The following KCP variants were observed in gnomAD, a reference collection of about 807,000 sequenced individuals.
KCP encodes kielin cysteine rich BMP regulator, also known as kielin/chordin-like protein.
A neutral mutation model predicts 212.7 loss-of-function variants in KCP; 194 were observed. The ratio of observed to expected loss-of-function variants is 0.91; its 90% CI spans 0.81 to 1.03. The LOEUF (loss-of-function observed/expected upper bound fraction) is 1.03, where lower values mean the gene tolerates loss of function less well. KCP is among the 50% of genes least tolerant of loss of function. KCP has a pLI of 0.00. For synonymous variants in KCP, 833 were observed against 865.3 expected (o/e 0.96, Z 0.65); for missense variants, 2,080 against 2,162.5 (o/e 0.96, Z 0.76).
At position 128,883,862 on chromosome 7, in the gene KCP, G is replaced by T; in HGVS notation, c.3244+140C>A. ...CCCCAGTTCCCTTAGGGATGGTGCA[G>T]CCCTCGCCGGCCAGGCATAGGGTTC... On this transcript the variant is annotated intron_variant, in intron 29 of 39. Coordinates refer to ENST00000610776, the MANE Select transcript of KCP (RefSeq NM_001366122.1). 6 of 1,074,932 alleles carry T rather than the reference G, an allele frequency of 5.6e-6. No homozygotes were observed. In the South Asian group the frequency reaches 1.1e-4, roughly 20 times the overall value. The allele number at this position is 1,074,932 out of a possible 1,614,324, so 66.6% of individuals were successfully genotyped here.
intron 35 of KCP, 22 bp downstream of exon 35, chr7:128,879,891 A>G (rs1245702351): frequency 6.4e-7 from 1 of 1,551,206 alleles, no homozygotes; most frequent in Admixed American, 2.0e-5. Context: ...GGTTGGGGAG[A>G]AGAGAGACAG....
Position 128,877,182 on chromosome 7 carries a change from C to A in KCP, c.4748G>T (p.Gly1583Val). Residue 1583 changes from glycine to valine, a missense_variant, in exon 40 of 40, where the codon GGC becomes GTC. Physicochemically the swap from Gly to Val is moderately radical, Grantham distance 109. Coordinates refer to ENST00000610776, the MANE Select transcript of KCP (RefSeq NM_001366122.1). ...AAHCVRPCVPGCQCPAGLVEH... is the reference protein window; with the variant it reads ...AAHCVRPCVPVCQCPAGLVEH... ...CACCAGGCCTGCAGGGCACTGGCAG[C>A]CGGGCACGCAGGGCCTCACGCAGTG... is the stretch of plus-strand genomic sequence containing the variant. The A allele has an allele frequency of 1.3e-6, 2 of 1,488,046 alleles. No homozygotes were observed. The highest frequency in any genetic ancestry group is 1.3e-5 in the South Asian group (1 of 74,432). 92.2% of individuals were successfully genotyped at this position (1,488,046 alleles called of 1,614,324 possible). A position where few individuals can be genotyped will look rare whatever the true frequency, so the allele number is the denominator to read the frequency against.
chr7:128,901,524 A>G (rs1585246964), intron 8 of KCP, among the ~76,000 whole-genome samples: 1 of 152,072 alleles, frequency 6.6e-6, no homozygotes, highest in Non-Finnish European at 1.5e-5. Flanking sequence ...TACTCGGGAT[A>G]CGGAGGCAGG....
intron 28 of KCP, 103 bp from the exon 29 acceptor site, chr7:128,884,225 C>T (rs1437137994): frequency 8.6e-6 from 12 of 1,400,658 alleles, no homozygotes; most frequent in Admixed American, 5.6e-5. Context: ...CAGCCTCTTC[C>T]GGGACATGTC....
chr7:128,890,709 T>TG (rs1164930408), intron 20 of KCP, among the ~76,000 whole-genome samples, 196 bp from the exon 21 acceptor site: 2 of 3,992 alleles, frequency 5.0e-4, no homozygotes, highest in Admixed American at 3.0e-3. Flanking sequence ...ATGGGTGTCG[T>TG]GGGGGGCTGG....
At chr7:128,884,949 C>CA (rs1282764756) in intron 27 of KCP, 86 bp from the exon 28 acceptor site, 1 of 1,485,092 alleles carries the variant, frequency 6.7e-7, no homozygotes, top group African/African-American at 1.4e-5. Context: ...TCTCCAGCCT[C>CA]CCCCTGATCC....
intron 8 of KCP, among the ~76,000 whole-genome samples, chr7:128,894,753 C>T (rs565437347): frequency 4.7e-4 from 72 of 152,164 alleles, no homozygotes; most frequent in African/African-American, 1.6e-3. Context: ...ATTACAGGCA[C>T]GCACCACCAT....
At chr7:128,883,145 CTTTT>C (rs550292146) in intron 29 of KCP, among the ~76,000 whole-genome samples, 2 of 143,362 alleles carry the variant, frequency 1.4e-5, no homozygotes, top group Non-Finnish European at 3.1e-5. Flanking sequence ...TTTTTTCTTT[CTTTT>C]TTTTTTTTTG....
intron 1 of KCP, among the ~76,000 whole-genome samples, chr7:128,909,548 C>T (rs1032262092): frequency 1.3e-5 from 2 of 152,174 alleles, no homozygotes; most frequent in African/African-American, 4.8e-5. Context: ...AGCTGGGGCT[C>T]AGCTCCCCTA....
At chr7:128,896,617 G>A (rs192207616) in intron 8 of KCP, among the ~76,000 whole-genome samples, 21 of 152,154 alleles carry the variant, frequency 1.4e-4, no homozygotes, top group Admixed American at 1.2e-3. Context: ...ATGGCCGGTC[G>A]CGGTGGCTCA....
chr7:128,886,670 C>G lies in KCP; in HGVS notation c.2757G>C (p.Glu919Asp). The change falls in exon 25 of 40, where the codon GAG (glutamate) becomes GAC (aspartate). Residue 919 changes from glutamate (E) to aspartate (D), a missense_variant. Coordinates refer to ENST00000610776, the MANE Select transcript of KCP (RefSeq NM_001366122.1). ...CCTGCTATACCTGACAGCGACACCA[C>G]TCACAGCTGCCTGCTGGTCCCTCAA... ...EEFEGPAGSCEWCRCQAGQVS... is the reference protein window; with the variant it reads ...EEFEGPAGSCDWCRCQAGQVS... The G allele has an allele frequency of 2.6e-6, 4 of 1,551,626 alleles. No homozygotes were observed. Among genetic ancestry groups the G allele is most frequent in the Non-Finnish European group, 3.5e-6 (4 of 1,146,948 alleles).
chr7:128,883,128 A>C (rs1039755945), intron 29 of KCP, among the ~76,000 whole-genome samples: 1 of 151,862 alleles, frequency 6.6e-6, no homozygotes, highest in Non-Finnish European at 1.5e-5. Flanking sequence ...TTAAAAAAAA[A>C]AGTATGTTTT....
In KCP at chr7:128,884,140, C is replaced by T. The variant is rs188233066; in HGVS notation, c.3124-18G>A. On this transcript the variant is annotated intron_variant, in intron 28 of 39. Coordinates refer to ENST00000610776, the MANE Select transcript of KCP (RefSeq NM_001366122.1). ...GGCTGTGGCTACAAGAATGAGTGAG[C>T]AGCGGTGGGTCCTGGGCCACAAAAA... The T allele has an allele frequency of 7.6e-4, 1,162 of 1,538,450 alleles. 18 individuals carry two copies. In the East Asian group the frequency reaches 0.019, roughly 26 times the overall value.
chr7:128,884,876 G>T lies in KCP; in HGVS notation c.3041-13C>A. ...TCATGCTCACAGTCTTTGGGGTGGA[G>T]TGAGAGCAGAACGGGACCAGGGGTC... On this transcript the variant is annotated splice_polypyrimidine_tract_variant and intron_variant, in intron 27 of 39. Coordinates refer to ENST00000610776, the MANE Select transcript of KCP (RefSeq NM_001366122.1). 2 of 1,550,366 alleles carry T rather than the reference G, an allele frequency of 1.3e-6. No homozygotes were observed. The highest frequency in any genetic ancestry group is 1.7e-6 in the Non-Finnish European group (2 of 1,146,622).
At position 128,906,289 on chromosome 7, in the gene KCP, G is replaced by A; in HGVS notation, c.561C>T (p.His187=). 6.4e-7 allele frequency: 1 copy of A among 1,551,114 alleles called. No individual in the cohort carries two copies. The highest frequency in any genetic ancestry group is 8.7e-7 in the Non-Finnish European group (1 of 1,146,742). The change falls in exon 5 of 40, where the codon CAC becomes CAT. Residue 187 remains histidine (H), a synonymous_variant. Coordinates refer to ENST00000610776, the MANE Select transcript of KCP (RefSeq NM_001366122.1). ...PCPEPGACCP[H]CKPGCDYEGQ... is the part of the protein sequence containing the mutation. Reference sequence around the variant, plus strand: ...TGGCAGGAGGCTGACCTGGCTTACAGTGCGGGCAGCATGCTCCTGGCTCAG... The same window carrying A: ...TGGCAGGAGGCTGACCTGGCTTACAATGCGGGCAGCATGCTCCTGGCTCAG...
chr7:128,891,503 C>T lies in KCP; in HGVS notation c.1826G>A (p.Ser609Asn), dbSNP rs1174688200. ...AGAGGGGTGGGGGAAGTCCGCTCCGCTGGGGTACTCTTTCCCGCCAAAGGC... is the reference window on the plus strand; with the variant it reads ...AGAGGGGTGGGGGAAGTCCGCTCCGTTGGGGTACTCTTTCCCGCCAAAGGC... The part of the protein sequence containing the change: ...GCAFGGKEYP[S>N]GADFPHPSDP... Residue 609 changes from serine (S) to asparagine (N), a missense_variant, in exon 18 of 40, where the codon AGC becomes AAC. Coordinates refer to ENST00000610776, the MANE Select transcript of KCP (RefSeq NM_001366122.1). The T allele has an allele frequency of 2.6e-6, 4 of 1,549,922 alleles. No homozygotes were observed. The highest frequency in any genetic ancestry group is 2.6e-6 in the Non-Finnish European group (3 of 1,146,650).
At chr7:128,894,109 C>T in intron 9 of KCP, 54 bp from the exon 10 acceptor site, 1 of 1,528,552 alleles carries the variant, frequency 6.5e-7, no homozygotes, top group Non-Finnish European at 8.8e-7. Context: ...CCACCCTCTC[C>T]TGGCCTTCAT....
intron 28 of KCP, 111 bp from the exon 29 acceptor site, chr7:128,884,233 G>T: frequency 7.4e-7 from 1 of 1,358,356 alleles, no homozygotes; most frequent in Non-Finnish European, 9.8e-7. Flanking sequence ...TCCGGGACAT[G>T]TCTTGGGCCC....
At position 128,887,352 on chromosome 7, in the gene KCP, T is replaced by A. The variant is rs1585209053; in HGVS notation, c.2513-52A>T. The A allele has an allele frequency of 3.7e-5, 49 of 1,331,604 alleles. No individual in the cohort carries two copies. In the East Asian group the frequency reaches 1.2e-3, roughly 33 times the overall value. The allele number at this position is 1,331,604 out of a possible 1,614,324, so 82.5% of individuals were successfully genotyped here. ...GAGCTGCCATCAACAGAACCTCCAC[T>A]GTCACACACACACACAGCCCCTCCC... On this transcript the variant is annotated intron_variant, in intron 22 of 39. Transcript: ENST00000610776.
Sources: gnomAD v4.1 joint callset for allele counts (sites outside exome capture counted in the v4.1 genomes callset) on GRCh38, gnomAD v4.1.1 for gene constraint, MANE v1.5 for transcripts, NCBI Gene and HGNC (gene_info 2026-07-23, HGNC 2026-07-21) for gene names.